The following PSMA2 variants were observed in gnomAD, a reference collection of about 807,000 sequenced individuals.
The protein encoded by PSMA2 is proteasome subunit alpha type-2.
In PSMA2, 2 loss-of-function variants were observed where a neutral mutation model predicts 35.9. The observed-to-expected ratio is 0.06, with a 90% CI of 0.02 to 0.18. PSMA2 has a LOEUF of 0.18. Among genes scored for constraint, PSMA2 ranks in the 10% least tolerant of loss-of-function variants. The pLI is 1.00. For synonymous variants in PSMA2, 97 were observed against 98.2 expected (o/e 0.99, Z 0.07); for missense variants, 126 against 278.8 (o/e 0.45, Z 3.90).
intron 6 of PSMA2, chr7:42,921,426 C>T (rs1786127688): frequency 6.5e-6 from 1 of 152,680 alleles, no homozygotes; most frequent in Admixed American, 6.5e-5. Context: ...TTATCAAGCA[C>T]ATGTATCAAA....
intron 6 of PSMA2, chr7:42,919,464 GA>G (rs1457559434): frequency 1.9e-6 from 1 of 533,904 alleles, no homozygotes; most frequent in Admixed American, 2.1e-5. Context: ...GGAAATTAGT[GA>G]TCACAGCTCT....
chr7:42,926,312 T>C (rs768310339), intron 3 of PSMA2, among the ~76,000 whole-genome samples: 2 of 152,246 alleles, frequency 1.3e-5, no homozygotes, highest in African/African-American at 2.4e-5. Context: ...AGAGGAGTTA[T>C]GTAATCTATC....
intron 6 of PSMA2, chr7:42,919,912 G>A (rs905819640): frequency 4.0e-6 from 3 of 755,588 alleles, no homozygotes; most frequent in Non-Finnish European, 7.5e-6. Context: ...GGAACACTGA[G>A]ACTGGCAAAC....
intron 6 of PSMA2, chr7:42,918,045 G>T (rs1348405960): frequency 8.2e-6 from 3 of 364,598 alleles, no homozygotes; most frequent in Admixed American, 9.0e-5. Context: ...TGAACGGTAT[G>T]ACCCTAAAAT....
intron 6 of PSMA2, chr7:42,919,677 A>G (rs1786095558): frequency 1.8e-6 from 1 of 558,952 alleles, no homozygotes; most frequent in Non-Finnish European, 3.4e-6. Context: ...TTGACAGTAC[A>G]GTAAGTTTGG....
At chr7:42,923,758 T>C (rs2128674093) in intron 4 of PSMA2, among the ~76,000 whole-genome samples, 1 of 152,378 alleles carries the variant, frequency 6.6e-6, no homozygotes, top group East Asian at 1.9e-4. Flanking sequence ...TTTCAGTTAA[T>C]GCAGCTTTTC....
rs1215888759 is a variant in PSMA2 at position 42,924,677 on chromosome 7, T to G, written c.372A>C (p.Ser124=). ...TTCAAGTAAAAAAAGCAACTTACCC[T>G]GACTGAGTATATTCTTGCATCACAG... ...VASVMQEYTQ[S]GGVRPFGVSL... is the part of the protein sequence containing the mutation. The change falls in exon 4 of 8, where the codon TCA becomes TCC. Residue 124 remains serine, a splice_region_variant and synonymous_variant. Coordinates refer to ENST00000223321, the MANE Select transcript of PSMA2 (RefSeq NM_002787.5). 6.2e-7 allele frequency: 1 copy of G among 1,610,306 alleles called. No homozygotes were observed. The highest frequency in any genetic ancestry group is 8.5e-7 in the Non-Finnish European group (1 of 1,177,938).
At chr7:42,923,977 TA>T (rs1786165584) in intron 4 of PSMA2, among the ~76,000 whole-genome samples, 1 of 152,130 alleles carries the variant, frequency 6.6e-6, no homozygotes, top group South Asian at 2.1e-4. Flanking sequence ...CACCCAAACT[TA>T]AGAAACTGGG....
intron 2 of PSMA2, among the ~76,000 whole-genome samples, 197 bp from the exon 3 acceptor site, chr7:42,926,865 C>A (rs1786225126): frequency 6.6e-6 from 1 of 152,072 alleles, no homozygotes; most frequent in South Asian, 2.1e-4. Flanking sequence ...TAGTACTACA[C>A]AAAAAAATCC....
At chr7:42,919,449 C>T (rs1301300100) in intron 6 of PSMA2, 1 of 540,416 alleles carries the variant, frequency 1.9e-6, no homozygotes, top group African/African-American at 1.9e-5. Context: ...CGAAGCAGAA[C>T]CTGAGGAAAT....
intron 1 of PSMA2, among the ~76,000 whole-genome samples, chr7:42,929,486 C>T (rs601787): frequency 0.84 from 128,009 of 152,130 alleles, 54,112 homozygotes; most frequent in South Asian, 0.91. Context: ...GATTTCACTG[C>T]GTGAAAGCTC....
At chr7:42,928,471 T>C (rs562958513) in intron 1 of PSMA2, among the ~76,000 whole-genome samples, 44 of 152,316 alleles carry the variant, frequency 2.9e-4, no homozygotes, top group South Asian at 1.2e-3. Flanking sequence ...AGTCATGAGA[T>C]GGTCACACTT....
intron 1 of PSMA2, among the ~76,000 whole-genome samples, chr7:42,931,441 A>G (rs1351040545): frequency 6.6e-6 from 1 of 152,222 alleles, no homozygotes; most frequent in Non-Finnish European, 1.5e-5. Context: ...TTTCTACAAT[A>G]GAAAAACCTA....
chr7:42,923,211 CAAGAG>C (rs911559696), intron 5 of PSMA2, 109 bp downstream of exon 5: 5 of 822,686 alleles, frequency 6.1e-6, no homozygotes, highest in Non-Finnish European at 7.7e-6. Flanking sequence ...TTCTAAAGCC[CAAGAG>C]AAAAGAAGAA....
At chr7:42,932,091 T>C (rs200387373) in intron 1 of PSMA2, 27 bp downstream of exon 1, 1 of 1,614,016 alleles carries the variant, frequency 6.2e-7, no homozygotes, top group Non-Finnish European at 8.5e-7. Flanking sequence ...TCGACTACGC[T>C]GAAGACCTCG....
intron 6 of PSMA2, chr7:42,918,447 C>T (rs908669135): frequency 6.6e-6 from 1 of 152,160 alleles, no homozygotes; most frequent in Non-Finnish European, 1.5e-5. Context: ...TAAGTTAAAA[C>T]ATAACATGTC....
At chr7:42,919,431 A>T (rs1272794721) in intron 6 of PSMA2, 1 of 550,382 alleles carries the variant, frequency 1.8e-6, no homozygotes, top group East Asian at 4.8e-5. Flanking sequence ...ATATGACTTG[A>T]ACAAACCCGA....
At chr7:42,919,507 A>ATAAAC (rs1786090590) in intron 6 of PSMA2, 1 of 515,022 alleles carries the variant, frequency 1.9e-6, no homozygotes, top group East Asian at 4.9e-5. Context: ...TACAGTGAGG[A>ATAAAC]TAAACAGATT....
At chr7:42,920,755 G>A (rs564583004) in intron 6 of PSMA2, 88 of 152,264 alleles carry the variant, frequency 5.8e-4, no homozygotes, top group African/African-American at 2.0e-3. Flanking sequence ...TTAACGTTAC[G>A]TGAAAAATGT....
Sources: allele counts gnomAD v4.1 joint callset (sites outside exome capture counted in the v4.1 genomes callset), GRCh38; gene constraint gnomAD v4.1.1; transcripts MANE v1.5; gene names NCBI Gene and HGNC (gene_info 2026-07-23, HGNC 2026-07-21).